CTNNA3: variants seen among roughly 807,000 people sequenced by gnomAD.
CTNNA3 encodes the protein catenin alpha 3, also known as catenin alpha-3.
Under a neutral mutation model 95.7 loss-of-function variants are expected in CTNNA3, and 76 were observed. The ratio of observed to expected loss-of-function variants is 0.79; its 90% confidence interval spans 0.66 to 0.96. The LOEUF is 0.96. Ranked by LOEUF, CTNNA3 falls within the 40% of genes least tolerant of loss-of-function variation. CTNNA3 has a pLI of 0.00. For synonymous variants in CTNNA3, 431 were observed against 374.4 expected (o/e 1.15, Z -1.74); for missense variants, 1,191 against 1,089.8 (o/e 1.09, Z -1.31).
rs545166934 is a variant in CTNNA3, at chr10:66,013,164, G to T, written c.2160-24367C>A. On this transcript the variant is annotated intron_variant, in intron 15 of 17. Transcript: ENST00000433211. ...GATCCACCTGCCTTGGGTTCCCAAA[G>T]TGCTAGGATTATAGGTGTGAGCCAC... Among the ~76,000 whole-genome samples the T allele has an allele frequency of 3.3e-5, 5 of 152,350 alleles. No homozygotes were observed. The East Asian group carries it at 9.6e-4, about 29-fold the overall frequency.
intron 12 of CTNNA3, among the ~76,000 whole-genome samples, chr10:66,297,398 G>T (rs150621393): frequency 4.3e-4 from 66 of 152,086 alleles, no homozygotes; most frequent in African/African-American, 1.2e-3. Flanking sequence ...TACATGGAAA[G>T]AAACTTCCTG....
chr10:67,511,877 G>C (rs1839644446), intron 5 of CTNNA3, among the ~76,000 whole-genome samples: 1 of 152,134 alleles, frequency 6.6e-6, no homozygotes, highest in African/African-American at 2.4e-5. Context: ...TTCAGAGCCT[G>C]ATATTGGTCT....
At chr10:67,754,387 C>T (rs1841422722) in intron 1 of CTNNA3, among the ~76,000 whole-genome samples, 1 of 152,046 alleles carries the variant, frequency 6.6e-6, no homozygotes, top group African/African-American at 2.4e-5. Context: ...TTGATAGGTA[C>T]AGCAAACCAC....
chr10:67,605,486 G>A (rs976593719), intron 3 of CTNNA3, among the ~76,000 whole-genome samples: 6 of 152,046 alleles, frequency 3.9e-5, no homozygotes, highest in African/African-American at 1.4e-4. Context: ...CTGTATTCAG[G>A]ATTTTTACTA....
intron 12 of CTNNA3, among the ~76,000 whole-genome samples, chr10:66,329,866 G>A (rs2092303753): frequency 6.6e-6 from 1 of 151,978 alleles, no homozygotes. Flanking sequence ...AAATTACTGA[G>A]TTACAAGGAC....
intron 5 of CTNNA3, among the ~76,000 whole-genome samples, chr10:67,222,749 G>T: frequency 6.6e-6 from 1 of 152,166 alleles, no homozygotes; most frequent in South Asian, 2.1e-4. Context: ...TGATATTACT[G>T]TACAATCACA....
At chr10:66,406,823 T>C (rs978530196) in intron 11 of CTNNA3, among the ~76,000 whole-genome samples, 1 of 152,152 alleles carries the variant, frequency 6.6e-6, no homozygotes, top group Admixed American at 6.6e-5. Context: ...TATAAGAATA[T>C]AGATAGTATA....
intron 3 of CTNNA3, among the ~76,000 whole-genome samples, chr10:67,576,973 T>G (rs1357328814): frequency 6.9e-6 from 1 of 144,290 alleles, no homozygotes; most frequent in Admixed American, 6.8e-5. Flanking sequence ...TTTGGGTTGG[T>G]TCCAAGTCTT....
chr10:66,523,015 T>A (rs530177363), intron 10 of CTNNA3, among the ~76,000 whole-genome samples: 1 of 152,240 alleles, frequency 6.6e-6, no homozygotes, highest in Admixed American at 6.5e-5. Context: ...TTAAATCCTC[T>A]TTTTTTGTTT....
intron 5 of CTNNA3, among the ~76,000 whole-genome samples, chr10:67,314,846 TAAG>T (rs1840974438): frequency 1.3e-5 from 2 of 152,234 alleles, no homozygotes; most frequent in Non-Finnish European, 2.9e-5. Flanking sequence ...TTTTCTTCTC[TAAG>T]AAGGTTTATC....
chr10:66,540,923 C>T (rs144057813), intron 10 of CTNNA3, among the ~76,000 whole-genome samples: 3 of 152,208 alleles, frequency 2.0e-5, no homozygotes, highest in East Asian at 3.9e-4. Context: ...ATTCTTCCAA[C>T]TCATTATATT....
At chr10:66,678,904 C>G (rs894880145) in intron 9 of CTNNA3, among the ~76,000 whole-genome samples, 1 of 152,016 alleles carries the variant, frequency 6.6e-6, no homozygotes, top group Admixed American at 6.6e-5. Context: ...TCTGGGAGAG[C>G]AGCGCATGTA....
chr10:66,671,178 T>C (rs1846647656), intron 9 of CTNNA3, among the ~76,000 whole-genome samples: 1 of 152,170 alleles, frequency 6.6e-6, no homozygotes, highest in African/African-American at 2.4e-5. Context: ...GAAACATTAG[T>C]TTAACTGTAA....
intron 5 of CTNNA3, among the ~76,000 whole-genome samples, chr10:67,221,245 G>T (rs917343928): frequency 6.6e-6 from 1 of 152,020 alleles, no homozygotes; most frequent in African/African-American, 2.4e-5. Flanking sequence ...AGGTAAATGG[G>T]AACTCTCTGT....
intron 7 of CTNNA3, among the ~76,000 whole-genome samples, chr10:67,178,096 C>T (rs1245812716): frequency 6.6e-6 from 1 of 152,080 alleles, no homozygotes; most frequent in African/African-American, 2.4e-5. Context: ...GTCCTGCCTC[C>T]GAGTGACTTC....
intron 5 of CTNNA3, among the ~76,000 whole-genome samples, chr10:67,506,134 T>G (rs1839423684): frequency 6.6e-6 from 1 of 152,184 alleles, no homozygotes; most frequent in African/African-American, 2.4e-5. Flanking sequence ...AATCTAAAAT[T>G]TAATGTTGAC....
At chr10:66,473,703 C>T (rs1040723999) in intron 11 of CTNNA3, among the ~76,000 whole-genome samples, 9 of 151,964 alleles carry the variant, frequency 5.9e-5, no homozygotes, top group Non-Finnish European at 1.5e-5. Context: ...GTGTGATGTT[C>T]CCCTTCCTGT....
chr10:66,434,821 C>A (rs1035414865), intron 11 of CTNNA3, among the ~76,000 whole-genome samples: 3 of 152,094 alleles, frequency 2.0e-5, no homozygotes, highest in African/African-American at 4.8e-5. Context: ...TATGTTCCAT[C>A]AATACCTAAT....
At chr10:67,313,419 G>A (rs1244040401) in intron 5 of CTNNA3, among the ~76,000 whole-genome samples, 6 of 150,160 alleles carry the variant, frequency 4.0e-5, no homozygotes, top group African/African-American at 1.2e-4. Flanking sequence ...GCGACAGAGC[G>A]AGAATCCGTC....
Sources: gnomAD v4.1 joint callset for allele counts (sites outside exome capture counted in the v4.1 genomes callset) on GRCh38, gnomAD v4.1.1 for gene constraint, MANE v1.5 for transcripts, NCBI Gene and HGNC (gene_info 2026-07-23, HGNC 2026-07-21) for gene names.